Variants in ELAPOR2 observed in about 807,000 individuals in gnomAD.
The protein encoded by ELAPOR2 is endosome-lysosome associated apoptosis and autophagy regulator family member 2.
Under a neutral mutation model 120.7 loss-of-function variants are expected in ELAPOR2, and 89 were observed. The ratio of observed to expected loss-of-function variants is 0.74; its 90% confidence interval spans 0.62 to 0.88. ELAPOR2 has a LOEUF of 0.88. ELAPOR2 is among the 40% of genes least tolerant of loss of function. ELAPOR2 has a pLI of 0.00. For synonymous variants in ELAPOR2, 444 were observed against 444.9 expected (o/e 1.00, Z 0.03); for missense variants, 1,134 against 1,251.6 (o/e 0.91, Z 1.42).
intron 18 of ELAPOR2, among the ~76,000 whole-genome samples, chr7:86,902,028 T>C (rs961009839): frequency 6.6e-6 from 1 of 152,208 alleles, no homozygotes; most frequent in Non-Finnish European, 1.5e-5. Flanking sequence ...CTTCTTATAG[T>C]TACAGGCTGA....
At chr7:86,911,188 G>A (rs970489250) in intron 15 of ELAPOR2, among the ~76,000 whole-genome samples, 10 of 152,040 alleles carry the variant, frequency 6.6e-5, no homozygotes, top group Non-Finnish European at 1.5e-4. Flanking sequence ...ACAGTATCTG[G>A]CACATAACAG....
intron 2 of ELAPOR2, among the ~76,000 whole-genome samples, chr7:86,962,387 C>G (rs7794047): frequency 1.1e-4 from 17 of 152,306 alleles, no homozygotes; most frequent in African/African-American, 4.1e-4. Context: ...AAATCATGTT[C>G]CACACAATCA....
chr7:86,991,869 A>G (rs568046246), intron 1 of ELAPOR2, among the ~76,000 whole-genome samples: 1 of 151,834 alleles, frequency 6.6e-6, no homozygotes, highest in South Asian at 2.1e-4. Context: ...CCCTCTTTTA[A>G]AGAGCCTTCT....
chr7:86,913,321 TG>T, intron 13 of ELAPOR2, 117 bp from the exon 14 acceptor site: 3 of 980,782 alleles, frequency 3.1e-6, no homozygotes, highest in Non-Finnish European at 4.5e-6. Flanking sequence ...CCTAATAGTT[TG>T]TAATTGACAA....
At chr7:87,045,364 C>T (rs75823411) in intron 1 of ELAPOR2, among the ~76,000 whole-genome samples, 1,695 of 148,976 alleles carry the variant, frequency 0.011, 37 homozygotes, top group Admixed American at 0.056. Flanking sequence ...AACCCAAATG[C>T]CCAACAATGA....
intron 10 of ELAPOR2, among the ~76,000 whole-genome samples, chr7:86,921,345 C>G (rs999976411): frequency 6.6e-6 from 1 of 152,018 alleles, no homozygotes; most frequent in African/African-American, 2.4e-5. Flanking sequence ...AATACGGTCA[C>G]AGATGTAGAC....
At chr7:86,900,960 C>T (rs937795902) in intron 18 of ELAPOR2, among the ~76,000 whole-genome samples, 2 of 152,116 alleles carry the variant, frequency 1.3e-5, no homozygotes, top group African/African-American at 4.8e-5. Context: ...ATTACTTGTC[C>T]TATCATCATC....
At chr7:87,040,245 A>T (rs1411481058) in intron 1 of ELAPOR2, among the ~76,000 whole-genome samples, 1 of 152,262 alleles carries the variant, frequency 6.6e-6, no homozygotes, top group African/African-American at 2.4e-5. Context: ...GCAGCCGGAA[A>T]GCTCGAACTG....
At chr7:87,004,976 GGCA>G in intron 1 of ELAPOR2, among the ~76,000 whole-genome samples, 1 of 152,184 alleles carries the variant, frequency 6.6e-6, no homozygotes, top group Admixed American at 6.5e-5. Flanking sequence ...AGATCTCCAA[GGCA>G]GCTTCCTAAT....
intron 2 of ELAPOR2, 41 bp downstream of exon 2, chr7:86,964,863 G>A (rs1405254562): frequency 7.7e-6 from 12 of 1,548,824 alleles, no homozygotes; most frequent in Non-Finnish European, 1.0e-5. Context: ...AGAGGTAATT[G>A]TTTAATCAAG....
intron 1 of ELAPOR2, among the ~76,000 whole-genome samples, chr7:86,981,735 C>T (rs916250631): frequency 6.6e-6 from 1 of 152,174 alleles, no homozygotes; most frequent in Non-Finnish European, 1.5e-5. Flanking sequence ...CAGCTCCCAG[C>T]GTGATTGACG....
chr7:87,055,908 A>G (rs749994045), intron 1 of ELAPOR2, among the ~76,000 whole-genome samples: 1 of 152,360 alleles, frequency 6.6e-6, no homozygotes, highest in South Asian at 2.1e-4. Flanking sequence ...GCATTATGCA[A>G]GATTTTACAG....
At chr7:87,028,672 A>G (rs934307218) in intron 1 of ELAPOR2, among the ~76,000 whole-genome samples, 1 of 152,184 alleles carries the variant, frequency 6.6e-6, no homozygotes, top group Non-Finnish European at 1.5e-5. Flanking sequence ...CATCTCTGGC[A>G]GTCTATTTCC....
intron 9 of ELAPOR2, among the ~76,000 whole-genome samples, chr7:86,925,938 G>A (rs1241424066): frequency 6.6e-6 from 1 of 151,926 alleles, no homozygotes; most frequent in East Asian, 1.9e-4. Context: ...TCACATCTGG[G>A]AGTAGCTGCT....
chr7:86,997,117 A>G (rs1040984544), intron 1 of ELAPOR2, among the ~76,000 whole-genome samples: 6 of 152,142 alleles, frequency 3.9e-5, no homozygotes, highest in Non-Finnish European at 7.4e-5. Flanking sequence ...AAGGAAGGGG[A>G]AAAAAAGCTT....
chr7:86,912,160 C>A lies in ELAPOR2; in HGVS notation c.2081G>T (p.Ser694Ile), dbSNP rs1162412841. The change falls in exon 15 of 22, where the codon AGT (serine) becomes ATT (isoleucine). Residue 694 changes from serine (S) to isoleucine (I), a missense_variant. By Grantham distance (142) the Ser-to-Ile change is moderately radical. This residue lies in a region of ELAPOR2 where 831 missense variants were observed against 867.6 expected (regional missense o/e 0.96). Transcript: ENST00000450689. ...GGGGCCATTCATTAATGAGCCCACA[C>A]TGCTGAGGTTGCTAAAGTCATAGTG... ...SLHYDFSNLS[S>I]VGSLMNGPSF... The A allele has an allele frequency of 6.2e-7, 1 of 1,612,742 alleles. No individual in the cohort carries two copies. Among genetic ancestry groups the A allele is most frequent in the African/African-American group, 1.3e-5 (1 of 74,908 alleles).
intron 10 of ELAPOR2, 130 bp downstream of exon 10, chr7:86,925,398 T>C: frequency 1.2e-6 from 1 of 856,910 alleles, no homozygotes; most frequent in South Asian, 1.7e-5. Context: ...AACCAGAAGA[T>C]GGGCAAGCAG....
Position 86,913,131 on chromosome 7 carries a change from G to T in ELAPOR2, c.1805C>A (p.Ser602Tyr). ...TATNAVDGVA[S>Y]SCRACALGSE... ...ACCGAGGGCACAGGCACGGCATGAG[G>T]ACGCCACCCCATCAACTGCATTAGT... The change falls in exon 14 of 22, where the codon TCC becomes TAC. Residue 602 changes from serine (S) to tyrosine (Y), a missense_variant. This residue lies in a region of ELAPOR2 where 831 missense variants were observed against 867.6 expected (regional missense o/e 0.96). Coordinates refer to ENST00000450689, the MANE Select transcript of ELAPOR2 (RefSeq NM_001142749.3). 6.2e-7 allele frequency: 1 copy of T among 1,614,042 alleles called. No homozygotes were observed. The highest frequency in any genetic ancestry group is 1.1e-5 in the South Asian group (1 of 91,066).
intron 1 of ELAPOR2, among the ~76,000 whole-genome samples, chr7:86,983,958 C>T (rs1304998984): frequency 6.6e-6 from 1 of 152,114 alleles, no homozygotes; most frequent in East Asian, 1.9e-4. Flanking sequence ...TGTGCAGAGA[C>T]ACACATAGGC....
Sources: gnomAD v4.1 joint callset for allele counts (sites outside exome capture counted in the v4.1 genomes callset) on GRCh38, gnomAD v4.1.1 for gene constraint, gnomAD v4.1.1 regional missense constraint, MANE v1.5 for transcripts, NCBI Gene and HGNC (gene_info 2026-07-23, HGNC 2026-07-21) for gene names.